The following NCALD variants were observed in gnomAD, a reference collection of about 807,000 sequenced individuals.
The protein encoded by NCALD is neurocalcin delta, also known as neurocalcin-delta.
NCALD carries 10 observed loss-of-function variants against 18.6 expected under a neutral mutation model. The observed-to-expected ratio is 0.54, with a 90% CI of 0.33 to 0.91. The LOEUF (loss-of-function observed/expected upper bound fraction) is 0.91. Among genes scored for constraint, NCALD ranks in the 40% least tolerant of loss-of-function variants. The pLI, the probability that NCALD is intolerant of heterozygous loss-of-function variation, is 0.03. For missense variants in NCALD, 184 were observed against 247.6 expected (o/e 0.74, Z 1.72); for synonymous variants, 88 against 87.4 (o/e 1.01, Z -0.04).
At chr8:101,977,437 T>C (rs1820464862) in intron 2 of NCALD, among the ~76,000 whole-genome samples, 1 of 110,056 alleles carries the variant, frequency 9.1e-6, no homozygotes, top group African/African-American at 5.1e-5. Context: ...TGGGAATTTT[T>C]GTTGTTAAGT....
At chr8:102,117,632 A>G (rs1216572810) in intron 1 of NCALD, among the ~76,000 whole-genome samples, 6 of 152,050 alleles carry the variant, frequency 3.9e-5, no homozygotes, top group Non-Finnish European at 7.4e-5. Flanking sequence ...AAAAAACGCA[A>G]CTTACATCTT....
chr8:102,099,041 C>T (rs1417530867), intron 1 of NCALD, among the ~76,000 whole-genome samples: 5 of 152,114 alleles, frequency 3.3e-5, no homozygotes, highest in Admixed American at 1.3e-4. Context: ...ACTGAGAATT[C>T]GGTCAACACA....
At chr8:101,764,459 T>C (rs762554020) in intron 1 of NCALD, among the ~76,000 whole-genome samples, 3 of 152,190 alleles carry the variant, frequency 2.0e-5, no homozygotes, top group Non-Finnish European at 4.4e-5. Context: ...TGGCCACTGG[T>C]GACCTTGACA....
At chr8:101,845,639 T>A (rs1483697365) in intron 4 of NCALD, among the ~76,000 whole-genome samples, 1 of 152,244 alleles carries the variant, frequency 6.6e-6, no homozygotes. Context: ...AATTGGGATG[T>A]CCGTCACCTC....
intron 2 of NCALD, among the ~76,000 whole-genome samples, chr8:101,924,488 G>T (rs1014509900): frequency 1.3e-5 from 2 of 152,126 alleles, no homozygotes; most frequent in African/African-American, 4.8e-5. Context: ...CTTTCCTCAG[G>T]AAGTGGAAAA....
At chr8:101,990,290 A>G (rs1032306292) in intron 2 of NCALD, among the ~76,000 whole-genome samples, 1 of 152,210 alleles carries the variant, frequency 6.6e-6, no homozygotes, top group African/African-American at 2.4e-5. Flanking sequence ...AAGACCTAGG[A>G]GGTACAATGA....
intron 2 of NCALD, among the ~76,000 whole-genome samples, chr8:101,696,977 C>CA (rs1388622994): frequency 1.8e-4 from 27 of 151,722 alleles, no homozygotes; most frequent in African/African-American, 6.3e-4. Context: ...AACAGAGACA[C>CA]AAAAAACCCT....
At chr8:101,913,384 A>T (rs867414374) in intron 3 of NCALD, among the ~76,000 whole-genome samples, 8 of 152,240 alleles carry the variant, frequency 5.3e-5, no homozygotes, top group Non-Finnish European at 8.8e-5. Flanking sequence ...GTATACCTTT[A>T]TCCAATTCAA....
chr8:101,937,663 C>G (rs972917123), intron 2 of NCALD, among the ~76,000 whole-genome samples: 1 of 152,106 alleles, frequency 6.6e-6, no homozygotes, highest in South Asian at 2.1e-4. Flanking sequence ...CACCTTTTGA[C>G]CAGCCAAGAA....
At chr8:102,014,546 A>C (rs1170583446) in intron 2 of NCALD, among the ~76,000 whole-genome samples, 1 of 152,136 alleles carries the variant, frequency 6.6e-6, no homozygotes, top group Non-Finnish European at 1.5e-5. Context: ...TACAAGAAAG[A>C]GTTAATGTTT....
At chr8:102,112,653 T>A (rs898311737) in intron 1 of NCALD, among the ~76,000 whole-genome samples, 1 of 152,200 alleles carries the variant, frequency 6.6e-6, no homozygotes, top group Non-Finnish European at 1.5e-5. Flanking sequence ...GTTGTTTGTC[T>A]CCACCAAATC....
At chr8:101,983,027 T>C (rs569409768) in intron 2 of NCALD, among the ~76,000 whole-genome samples, 1 of 152,240 alleles carries the variant, frequency 6.6e-6, no homozygotes, top group Admixed American at 6.5e-5. Context: ...AACAATTCCA[T>C]TTTTAAAGAA....
intron 1 of NCALD, among the ~76,000 whole-genome samples, chr8:101,722,770 A>C (rs1199627855): frequency 6.6e-6 from 1 of 152,226 alleles, no homozygotes; most frequent in Non-Finnish European, 1.5e-5. Context: ...ATTTTTTGGT[A>C]AACAGTAATT....
rs569492224 is a variant in NCALD at position 101,781,228 on chromosome 8, C to T, written c.-20+9634G>A. ...GAGAGAGAATGGTTTGCTTTAACTACCCCTGGCAGTTGGGCTTGTACCAAG... is the reference window on the plus strand; with the variant it reads ...GAGAGAGAATGGTTTGCTTTAACTATCCCTGGCAGTTGGGCTTGTACCAAG... On this transcript the variant is annotated intron_variant, in intron 1 of 3. Transcript: ENST00000220931. 4.9e-4 allele frequency among the ~76,000 whole-genome samples: 74 copies of T among 152,270 alleles called. 1 individual carries two copies. The South Asian group carries it at 0.015, about 30-fold the overall frequency.
chr8:101,756,972 A>T (rs932378174), intron 1 of NCALD, among the ~76,000 whole-genome samples: 1 of 152,220 alleles, frequency 6.6e-6, no homozygotes, highest in Non-Finnish European at 1.5e-5. Context: ...CAAAGACAAT[A>T]CTGGCTCCCT....
At chr8:101,706,054 G>A (rs536947865) in intron 2 of NCALD, among the ~76,000 whole-genome samples, 2 of 152,170 alleles carry the variant, frequency 1.3e-5, no homozygotes, top group Non-Finnish European at 2.9e-5. Context: ...AGGCCTCTTT[G>A]GAGGGAGTCA....
intron 4 of NCALD, among the ~76,000 whole-genome samples, chr8:101,855,008 G>C (rs1325118267): frequency 6.6e-6 from 1 of 152,140 alleles, no homozygotes; most frequent in African/African-American, 2.4e-5. Flanking sequence ...AGTGAGCACA[G>C]TGCTTGGACA....
At chr8:101,876,471 G>A (rs1266535197) in intron 4 of NCALD, among the ~76,000 whole-genome samples, 2 of 152,216 alleles carry the variant, frequency 1.3e-5, no homozygotes, top group African/African-American at 4.8e-5. Context: ...TGCTGGTAGT[G>A]AAAATTAGAA....
At chr8:101,798,771 G>A (rs751509307) in intron 4 of NCALD, among the ~76,000 whole-genome samples, 3 of 152,184 alleles carry the variant, frequency 2.0e-5, no homozygotes, top group Non-Finnish European at 4.4e-5. Flanking sequence ...ATATAGCTAC[G>A]ATGATCAAGA....
Sources: gnomAD v4.1 joint callset for allele counts (sites outside exome capture counted in the v4.1 genomes callset) on GRCh38, gnomAD v4.1.1 for gene constraint, MANE v1.5 for transcripts, NCBI Gene and HGNC (gene_info 2026-07-23, HGNC 2026-07-21) for gene names.